Variants in KLRG1 observed in about 807,000 individuals in gnomAD.
KLRG1 encodes the protein killer cell lectin like receptor G1, also known as killer cell lectin-like receptor subfamily G member 1.
A neutral mutation model predicts 21.8 loss-of-function variants in KLRG1; 16 were observed. The observed-to-expected ratio is 0.73, with a 90% confidence interval of 0.50 to 1.11. KLRG1 has a LOEUF of 1.11. Ranked by LOEUF, KLRG1 falls within the 50% of genes most tolerant of loss-of-function variation. KLRG1 has a pLI of 0.00. For missense variants in KLRG1, 173 were observed against 218.3 expected (o/e 0.79, Z 1.31); for synonymous variants, 69 against 75.9 (o/e 0.91, Z 0.47).
the KLRG1 span, among the ~76,000 whole-genome samples, chr12:9,033,217 G>A: frequency 2.0e-5 from 3 of 152,108 alleles, no homozygotes; most frequent in Admixed American, 2.0e-4. Context: ...AGGGAAGATC[G>A]CTTGAGCTTA....
At chr12:9,036,921 T>G in the KLRG1 span, 2 of 309,508 alleles carry the variant, frequency 6.5e-6, no homozygotes, top group African/African-American at 4.4e-5. Flanking sequence ...AGCTTCACAC[T>G]AATAACAATA....
chr12:9,059,637 A>G, the KLRG1 span, among the ~76,000 whole-genome samples: 1 of 152,210 alleles, frequency 6.6e-6, no homozygotes, highest in African/African-American at 2.4e-5. Context: ...AAGGTTCAAC[A>G]TAAGCCCTGA....
At chr12:9,145,592 T>C in the KLRG1 span, among the ~76,000 whole-genome samples, 2 of 152,250 alleles carry the variant, frequency 1.3e-5, no homozygotes, top group African/African-American at 4.8e-5. Context: ...AGCATTACAG[T>C]AATACAGTAT....
chr12:9,200,455 A>C, the KLRG1 span: 1 of 1,579,608 alleles, frequency 6.3e-7, no homozygotes, highest in East Asian at 2.2e-5. Context: ...AGCACTGTTA[A>C]TAGAGATAAT....
chr12:8,968,110 A>G (rs765178678), intron 1 of KLRG1, among the ~76,000 whole-genome samples: 1 of 152,342 alleles, frequency 6.6e-6, no homozygotes, highest in African/African-American at 2.4e-5. Flanking sequence ...CATACAGAAG[A>G]TAAATGCAAA....
the KLRG1 span, among the ~76,000 whole-genome samples, chr12:9,174,727 T>A: frequency 6.6e-6 from 1 of 151,974 alleles, no homozygotes; most frequent in Non-Finnish European, 1.5e-5. Flanking sequence ...ACAGAAAGAA[T>A]AAAATACCTA....
the KLRG1 span, chr12:9,091,467 G>T: frequency 6.2e-7 from 1 of 1,603,060 alleles, no homozygotes; most frequent in Non-Finnish European, 8.5e-7. Flanking sequence ...AAAGTAAGCA[G>T]TTAAATACAT....
At chr12:8,950,534 C>A (rs572482516) in intron 1 of KLRG1, among the ~76,000 whole-genome samples, 23 of 152,212 alleles carry the variant, frequency 1.5e-4, no homozygotes, top group Non-Finnish European at 2.6e-4. Flanking sequence ...TTAACAATTT[C>A]TTCCTGTGGA....
the KLRG1 span, among the ~76,000 whole-genome samples, chr12:9,026,417 A>G: frequency 6.6e-6 from 1 of 152,344 alleles, no homozygotes; most frequent in East Asian, 1.9e-4. Context: ...AGACTGAAGC[A>G]GTTTTACTGC....
the KLRG1 span, among the ~76,000 whole-genome samples, chr12:9,162,113 C>T: frequency 6.6e-6 from 1 of 152,150 alleles, no homozygotes; most frequent in African/African-American, 2.4e-5. Context: ...AGGCGCCCGC[C>T]ACCAGGCCTG....
At chr12:9,165,166 G>C in the KLRG1 span, 1 of 1,613,994 alleles carries the variant, frequency 6.2e-7, no homozygotes, top group Non-Finnish European at 8.5e-7. Flanking sequence ...GGTAGTTTAG[G>C]ACCGTGGCCT....
chr12:9,146,600 C>T, the KLRG1 span, among the ~76,000 whole-genome samples: 1 of 152,070 alleles, frequency 6.6e-6, no homozygotes, highest in African/African-American at 2.4e-5. Flanking sequence ...CTGCATTAGA[C>T]AAAGGAAGGC....
At chr12:8,956,172 A>C (rs907929401) in intron 1 of KLRG1, among the ~76,000 whole-genome samples, 2 of 152,210 alleles carry the variant, frequency 1.3e-5, no homozygotes, top group African/African-American at 4.8e-5. Flanking sequence ...CAGCGGGTGC[A>C]AAAGAACAGC....
chr12:9,059,948 G>A, the KLRG1 span, among the ~76,000 whole-genome samples: 12 of 147,144 alleles, frequency 8.2e-5, no homozygotes, highest in Non-Finnish European at 6.0e-5. Flanking sequence ...CCAAACCAAA[G>A]TGTTGGGGTT....
the KLRG1 span, among the ~76,000 whole-genome samples, chr12:9,122,656 T>C: frequency 6.6e-6 from 1 of 152,176 alleles, no homozygotes; most frequent in African/African-American, 2.4e-5. Context: ...ATAGTTGAAC[T>C]GTCGGTCCCT....
chr12:8,981,562 G>A (rs1341717574), intron 1 of KLRG1, among the ~76,000 whole-genome samples: 1 of 151,924 alleles, frequency 6.6e-6, no homozygotes, highest in East Asian at 1.9e-4. Context: ...TAGGAATTAT[G>A]TCGATTTTTT....
At chr12:9,169,241 C>T in the KLRG1 span, among the ~76,000 whole-genome samples, 1 of 151,832 alleles carries the variant, frequency 6.6e-6, no homozygotes, top group Non-Finnish European at 1.5e-5. Flanking sequence ...TAGATCTAGC[C>T]CTGACTCACA....
the KLRG1 span, chr12:9,159,855 C>A: frequency 8.3e-7 from 1 of 1,198,454 alleles, no homozygotes; most frequent in Non-Finnish European, 1.2e-6. Context: ...CTGTTATAAG[C>A]AACAGAAAAT....
chr12:9,055,758 G>T, the KLRG1 span: 1 of 152,766 alleles, frequency 6.5e-6, no homozygotes, highest in Non-Finnish European at 1.5e-5. Flanking sequence ...GAAGAGGAAA[G>T]CGAACAGGAT....
Sources: gnomAD v4.1 joint callset for allele counts (sites outside exome capture counted in the v4.1 genomes callset) on GRCh38, gnomAD v4.1.1 for gene constraint, MANE v1.5 for transcripts, NCBI Gene and HGNC (gene_info 2026-07-23, HGNC 2026-07-21) for gene names.